VPS26C: variants seen among roughly 807,000 people sequenced by gnomAD.
VPS26C encodes the protein VPS26 endosomal protein sorting factor C.
VPS26C carries 19 observed loss-of-function variants against 30.6 expected under a neutral mutation model. The ratio of observed to expected loss-of-function variants is 0.62; its 90% CI spans 0.43 to 0.91. VPS26C has a LOEUF of 0.91. VPS26C is among the 40% of genes least tolerant of loss of function. The pLI is 0.00. For synonymous variants in VPS26C, 132 were observed against 151.5 expected, an observed-to-expected ratio of 0.87 and a Z score of 0.95; for missense variants, 318 against 385.1, an observed-to-expected ratio of 0.83 and a Z score of 1.46.
chr21:37,267,381 G>A (rs1212994678), upstream of VPS26C: 3 of 1,231,080 alleles, frequency 2.4e-6, no homozygotes, highest in South Asian at 1.3e-5. Context: ...TCTGGGCCCC[G>A]CCCCTTTCCC....
chr21:37,227,553 C>T (rs1000153224), intron 7 of VPS26C, 101 bp downstream of exon 7: 11 of 1,391,566 alleles, frequency 7.9e-6, no homozygotes, highest in South Asian at 5.1e-5. Context: ...ACTGAGGGAC[C>T]GAAGGGCGGC....
chr21:37,247,463 A>G (rs2086148982), intron 1 of VPS26C, among the ~76,000 whole-genome samples: 1 of 152,194 alleles, frequency 6.6e-6, no homozygotes, highest in African/African-American at 2.4e-5. Context: ...GTAACAGTTA[A>G]AACAAAAATA....
intron 1 of VPS26C, among the ~76,000 whole-genome samples, chr21:37,244,561 A>G (rs1326442140): frequency 6.6e-6 from 1 of 152,180 alleles, no homozygotes; most frequent in Admixed American, 6.5e-5. Flanking sequence ...AAAGGCCACT[A>G]CCAAACTATA....
At chr21:37,264,127 AATTG>A (rs2086334497) in intron 1 of VPS26C, among the ~76,000 whole-genome samples, 1 of 152,232 alleles carries the variant, frequency 6.6e-6, no homozygotes. Flanking sequence ...GATTTTTGTC[AATTG>A]ATTAATTAGT....
In VPS26C at chr21:37,224,742, T is replaced by G. The variant is rs1245004068; in HGVS notation, c.*802A>C. 1 of 152,042 alleles carries G rather than the reference T, an allele frequency of 6.6e-6. No individual in the cohort carries two copies. Among genetic ancestry groups the G allele is most frequent in the Non-Finnish European group, 1.5e-5 (1 of 68,018 alleles). 9.4% of individuals were successfully genotyped at this position (152,042 alleles called of 1,614,324 possible). On this transcript the variant is annotated 3_prime_UTR_variant, in exon 8 of 8. Coordinates refer to ENST00000309117, the MANE Select transcript of VPS26C (RefSeq NM_006052.2). ...GGCTCACACCTGTAATCCCAGCACT[T>G]TGGGAGGCCAAGGCGGGTGGGTCAC...
At chr21:37,267,673 G>T (rs1411159340), upstream of VPS26C, 1 of 293,806 alleles carries the variant, frequency 3.4e-6, no homozygotes, top group East Asian at 9.1e-5. Context: ...CGCGGCTGGA[G>T]GCGGAGCCGA....
upstream of VPS26C, chr21:37,267,458 G>T (rs377485760): frequency 2.1e-6 from 1 of 481,200 alleles, no homozygotes; most frequent in Non-Finnish European, 3.4e-6. Context: ...TCCGAGGGGC[G>T]AATGCCCACG....
intron 3 of VPS26C, among the ~76,000 whole-genome samples, chr21:37,234,724 C>A (rs1366133833): frequency 6.6e-6 from 1 of 151,942 alleles, no homozygotes; most frequent in Non-Finnish European, 1.5e-5. Context: ...ACAACCTGTC[C>A]GCATGAAATA....
chr21:37,240,400 C>G, intron 2 of VPS26C, 96 bp downstream of exon 2: 1 of 1,402,504 alleles, frequency 7.1e-7, no homozygotes, highest in Non-Finnish European at 9.7e-7. Flanking sequence ...ACTGAGATTA[C>G]AGGCCTGAGC....
intron 5 of VPS26C, among the ~76,000 whole-genome samples, chr21:37,231,226 C>A (rs377525455): frequency 3.3e-4 from 50 of 152,298 alleles, no homozygotes; most frequent in African/African-American, 1.1e-3. Flanking sequence ...CACACACACT[C>A]GACAAACAGA....
At chr21:37,235,879 A>ATATATTTT (rs1555930580) in intron 3 of VPS26C, among the ~76,000 whole-genome samples, 1 of 111,294 alleles carries the variant, frequency 9.0e-6, no homozygotes, top group Non-Finnish European at 1.9e-5. Context: ...ATATATATAT[A>ATATATTTT]TTTTTTTTTT....
chr21:37,229,935 A>G (rs942972951), intron 5 of VPS26C, among the ~76,000 whole-genome samples: 2 of 152,218 alleles, frequency 1.3e-5, no homozygotes, highest in Non-Finnish European at 2.9e-5. Flanking sequence ...GCTGGAGTAC[A>G]TGGCTCACTG....
rs972286684 is a variant in VPS26C at position 37,233,717 on chromosome 21, C to T, written c.352-275G>A. 2.0e-5 allele frequency among the ~76,000 whole-genome samples: 3 copies of T among 152,212 alleles called. No homozygotes were observed. The highest frequency in any genetic ancestry group is 2.1e-4 in the South Asian group (1 of 4,826). On this transcript the variant is annotated intron_variant, in intron 3 of 7. Coordinates refer to ENST00000309117, the MANE Select transcript of VPS26C (RefSeq NM_006052.2). The surrounding 1 kb of genome is among the most constrained non-coding windows in gnomAD (Gnocchi z 5.2). ...TTGGACCCACTGGCAAACAGGTGCA[C>T]GGTCCCACCTGTAGCAGGGAGCAGG...
intron 7 of VPS26C, chr21:37,227,386 G>T (rs2085911575): frequency 4.1e-6 from 2 of 483,454 alleles, no homozygotes; most frequent in Admixed American, 3.3e-5. Flanking sequence ...ACTGATGTGG[G>T]TCTGTGTGTT....
chr21:37,264,228 C>G (rs2086335639), intron 1 of VPS26C, among the ~76,000 whole-genome samples: 1 of 152,176 alleles, frequency 6.6e-6, no homozygotes, highest in African/African-American at 2.4e-5. Flanking sequence ...TTTATATTCA[C>G]CATATAAGGT....
intron 1 of VPS26C, among the ~76,000 whole-genome samples, chr21:37,249,327 T>G (rs1822066023): frequency 6.6e-6 from 1 of 152,182 alleles, no homozygotes; most frequent in Non-Finnish European, 1.5e-5. Context: ...ACTGAAAAAC[T>G]ACTATCAACA....
At chr21:37,266,800 G>C (rs1351515618) in intron 1 of VPS26C, 2 of 198,910 alleles carry the variant, frequency 1.0e-5, no homozygotes, top group African/African-American at 4.7e-5. Flanking sequence ...ACCCATTTCT[G>C]CTTCCAAGGT....
Position 37,225,391 on chromosome 21 carries a change from G to T in VPS26C, c.*153C>A. Reference sequence around the variant, plus strand: ...GGAAGCAGAAGCCTCAAGAAATGAGGAAGGAAAGTTAATTTGAGGGTCTGT... The same window carrying T: ...GGAAGCAGAAGCCTCAAGAAATGAGTAAGGAAAGTTAATTTGAGGGTCTGT... On this transcript the variant is annotated 3_prime_UTR_variant, in exon 8 of 8. Coordinates refer to ENST00000309117, the MANE Select transcript of VPS26C (RefSeq NM_006052.2). 1 of 665,504 alleles carries T rather than the reference G, an allele frequency of 1.5e-6. No individual in the cohort carries two copies. The allele number at this position is 665,504 out of a possible 1,614,324, so 41.2% of individuals were successfully genotyped here.
intron 1 of VPS26C, among the ~76,000 whole-genome samples, chr21:37,256,668 C>G (rs995219446): frequency 1.3e-5 from 2 of 152,184 alleles, no homozygotes; most frequent in African/African-American, 2.4e-5. Flanking sequence ...CTCTCTATTA[C>G]AGAGAGTAAA....
Sources: gnomAD v4.1 joint callset for allele counts (sites outside exome capture counted in the v4.1 genomes callset) on GRCh38, gnomAD v4.1.1 for gene constraint, Gnocchi (gnomAD v3.1) non-coding constraint, MANE v1.5 for transcripts, NCBI Gene and HGNC (gene_info 2026-07-23, HGNC 2026-07-21) for gene names.